MIB1: variants seen among roughly 807,000 people sequenced by gnomAD.
MIB1 encodes the protein E3 ubiquitin-protein ligase MIB1.
MIB1 carries 278 observed loss-of-function variants against 124.5 expected under a neutral mutation model. The ratio of observed to expected loss-of-function variants is 2.23; its 90% CI spans 2.02 to 2.47. The LOEUF (loss-of-function observed/expected upper bound fraction) is 2.47. Among genes scored for constraint, MIB1 ranks in the 30% most tolerant of loss-of-function variants. The pLI, the probability that MIB1 is intolerant of heterozygous loss-of-function variation, is 0.00. For missense variants in MIB1, 957 were observed against 1,254.4 expected, an observed-to-expected ratio of 0.76 and a Z score of 3.58; for synonymous variants, 446 against 429.4, an observed-to-expected ratio of 1.04 and a Z score of -0.48.
chr18:21,847,050 GT>G lies in MIB1; in HGVS notation c.2319del (p.Gln774AsnfsTer35). On this transcript the variant is annotated frameshift_variant, in exon 16 of 21. Transcript: ENST00000261537. LOFTEE classifies it high-confidence loss of function. The stretch of plus-strand genomic sequence containing the variant: ...GACCTGAGCATTCGAAATAAGAAGG[GT>G]CAATCGCCACTTGATCTCTGTCCTG... The part of the protein sequence containing the change: ...GADLSIRNKK[G>X]QSPLDLCPDP... 6.2e-7 allele frequency: 1 copy of G among 1,614,132 alleles called. No individual in the cohort carries two copies.
At chr18:21,782,821 G>C (rs1284658551) in intron 6 of MIB1, among the ~76,000 whole-genome samples, 2 of 152,020 alleles carry the variant, frequency 1.3e-5, no homozygotes, top group African/African-American at 4.8e-5. Flanking sequence ...ATGTTTCTTT[G>C]TTGATTTTCT....
chr18:21,718,093 A>T (rs1459948557), intron 1 of MIB1, among the ~76,000 whole-genome samples: 1 of 152,222 alleles, frequency 6.6e-6, no homozygotes, highest in African/African-American at 2.4e-5. Context: ...ATTTGCAGCC[A>T]CCTGGATGAG....
intron 12 of MIB1, among the ~76,000 whole-genome samples, chr18:21,832,321 CTTT>C (rs927409233): frequency 6.6e-6 from 1 of 152,120 alleles, no homozygotes; most frequent in African/African-American, 2.4e-5. Flanking sequence ...TCTGAAGTGA[CTTT>C]TAGGCATGAT....
intron 6 of MIB1, among the ~76,000 whole-genome samples, chr18:21,790,285 A>C (rs2041487110): frequency 6.6e-6 from 1 of 152,230 alleles, no homozygotes; most frequent in African/African-American, 2.4e-5. Flanking sequence ...CATGTGCACA[A>C]AGATGTATAC....
rs950853476 is a variant in MIB1 at position 21,741,920 on chromosome 18, A to C, written c.229+108A>C. The C allele has an allele frequency of 3.0e-6, 3 of 989,650 alleles. No homozygotes were observed. Among genetic ancestry groups the C allele is most frequent in the African/African-American group, 1.7e-5 (1 of 60,072 alleles). The allele number at this position is 989,650 out of a possible 1,614,324, so 61.3% of individuals were successfully genotyped here. ...GTCTGCAGTGGGACACCTGGTGGGC[A>C]GCGCCCGGCTGGAGCGAGCGGAAAG... On this transcript the variant is annotated intron_variant, in intron 1 of 20. Transcript: ENST00000261537. The surrounding 1 kb of genome is among the most constrained non-coding windows in gnomAD (Gnocchi z 5.4).
intron 1 of MIB1, among the ~76,000 whole-genome samples, chr18:21,764,193 T>G (rs1297010912): frequency 6.6e-6 from 1 of 152,142 alleles, no homozygotes; most frequent in East Asian, 1.9e-4. Context: ...TTTTTTGTAG[T>G]CCACTAGGTA....
intron 7 of MIB1, among the ~76,000 whole-genome samples, chr18:21,794,476 A>G (rs1228969300): frequency 2.0e-5 from 3 of 150,192 alleles, no homozygotes; most frequent in African/African-American, 7.3e-5. Flanking sequence ...TCTCTCTACA[A>G]GAGAGTCCTT....
intron 15 of MIB1, among the ~76,000 whole-genome samples, 194 bp downstream of exon 15, chr18:21,844,447 C>CTGT (rs565062524): frequency 1.5e-4 from 23 of 151,900 alleles, no homozygotes; most frequent in Non-Finnish European, 2.5e-4. Flanking sequence ...TTGTTCAGTT[C>CTGT]TGTTGTTGTT....
In MIB1 at chr18:21,838,449, G is replaced by A; in HGVS notation, c.1914G>A (p.Leu638=). The A allele has an allele frequency of 1.2e-6, 2 of 1,611,298 alleles. No individual in the cohort carries two copies. Among genetic ancestry groups the A allele is most frequent in the Non-Finnish European group, 1.7e-6 (2 of 1,178,396 alleles). Residue 638 remains leucine (L), a synonymous_variant, in exon 13 of 21, where the codon CTG becomes CTA. Coordinates refer to ENST00000261537, the MANE Select transcript of MIB1 (RefSeq NM_020774.4). ...KKDDGYTALH[L]AALNNHVEVA... ...ATGATGGTTATACTGCCTTACATCT[G>A]GCTGCCCTTAATAATCACGTAGAAG...
chr18:21,714,516 CCTT>C (rs554757611), intron 1 of MIB1, among the ~76,000 whole-genome samples: 4 of 152,182 alleles, frequency 2.6e-5, no homozygotes, highest in Non-Finnish European at 4.4e-5. Context: ...CCAGGAGTCT[CCTT>C]CTCCAGGGTC....
intron 6 of MIB1, among the ~76,000 whole-genome samples, chr18:21,790,541 A>G (rs1003420447): frequency 1.3e-5 from 2 of 152,242 alleles, no homozygotes; most frequent in Admixed American, 6.5e-5. Flanking sequence ...AAAAAGTCAC[A>G]AAATATATGT....
At chr18:21,838,738 C>T (rs958724875) in intron 13 of MIB1, among the ~76,000 whole-genome samples, 1 of 152,136 alleles carries the variant, frequency 6.6e-6, no homozygotes, top group Non-Finnish European at 1.5e-5. Context: ...TCTGCACAGT[C>T]TTCCTGGATT....
chr18:21,797,899 A>G (rs931689497), intron 7 of MIB1, among the ~76,000 whole-genome samples, 185 bp from the exon 8 acceptor site: 4 of 152,090 alleles, frequency 2.6e-5, no homozygotes, highest in African/African-American at 7.2e-5. Flanking sequence ...TAGTTTTATT[A>G]TTATTTTAAA....
intron 12 of MIB1, chr18:21,825,474 C>T: frequency 7.2e-6 from 2 of 276,864 alleles, no homozygotes; most frequent in Admixed American, 5.2e-5. Context: ...AATTTAATAC[C>T]AAGAGACCAT....
intron 1 of MIB1, among the ~76,000 whole-genome samples, chr18:21,734,105 A>ATTT (rs1187958268): frequency 8.5e-6 from 1 of 118,132 alleles, no homozygotes; most frequent in Admixed American, 8.6e-5. Context: ...TCTTGCTTTG[A>ATTT]TTTTTTTTTT....
intron 17 of MIB1, among the ~76,000 whole-genome samples, chr18:21,852,650 A>C (rs1189800500): frequency 6.6e-6 from 1 of 152,226 alleles, no homozygotes; most frequent in Non-Finnish European, 1.5e-5. Flanking sequence ...CAAGTCCTGG[A>C]AAAGGGCACT....
chr18:21,816,112 TAAA>T (rs1486086159), intron 11 of MIB1, among the ~76,000 whole-genome samples: 4 of 152,180 alleles, frequency 2.6e-5, no homozygotes, highest in Non-Finnish European at 5.9e-5. Context: ...CTCAACAGCT[TAAA>T]GAAGTGTAAT....
At chr18:21,788,625 G>A (rs569758555) in intron 6 of MIB1, among the ~76,000 whole-genome samples, 16 of 152,154 alleles carry the variant, frequency 1.1e-4, no homozygotes, top group Non-Finnish European at 1.9e-4. Context: ...ATAGCAACTA[G>A]GTAAGAAAAA....
rs1174635629 is a variant in MIB1 at position 21,778,114 on chromosome 18, A to G, written c.648A>G (p.Lys216=). 1.2e-6 allele frequency: 2 copies of G among 1,612,290 alleles called. No individual in the cohort carries two copies. The highest frequency in any genetic ancestry group is 2.7e-5 in the African/African-American group (2 of 74,978). ...TCTTTTCTTCTTAGTCTGATCTGAAATGTGTCCAGGATGCCAAGGGAGGTT... is the reference window on the plus strand; with the variant it reads ...TCTTTTCTTCTTAGTCTGATCTGAAGTGTGTCCAGGATGCCAAGGGAGGTT... ...RVGFEGMSDL[K]CVQDAKGGSF... is the part of the protein sequence containing the mutation. Residue 216 remains lysine, a synonymous_variant, in exon 5 of 21, where the codon AAA becomes AAG. Transcript: ENST00000261537.
Sources: gnomAD v4.1 joint callset for allele counts (sites outside exome capture counted in the v4.1 genomes callset) on GRCh38, gnomAD v4.1.1 for gene constraint, Gnocchi (gnomAD v3.1) non-coding constraint, MANE v1.5 for transcripts, NCBI Gene and HGNC (gene_info 2026-07-23, HGNC 2026-07-21) for gene names.